TAFAZZIN: variants seen among roughly 807,000 people sequenced by gnomAD.
The protein encoded by TAFAZZIN is protein G4.5.
Under a neutral mutation model 27.3 loss-of-function variants are expected in TAFAZZIN, and 6 were observed. That is an observed-to-expected ratio of 0.22 (90% CI 0.12 to 0.43). The LOEUF (loss-of-function observed/expected upper bound fraction) is 0.43, where lower values mean the gene tolerates loss of function less well. TAFAZZIN is among the 20% of genes least tolerant of loss of function. The probability of loss-of-function intolerance (pLI) is 1.00; values close to 1 mark genes in which losing one functional copy is unlikely to be tolerated. For synonymous variants in TAFAZZIN, 79 were observed against 96.2 expected (o/e 0.82, Z 1.04); for missense variants, 127 against 244.5 (o/e 0.52, Z 3.21).
rs2068585918 is a variant in TAFAZZIN, at chrX:154,420,107, AC to A, written c.646+14del. On this transcript the variant is annotated intron_variant, in intron 8 of 10. Transcript: ENST00000601016. ...CTGTGGCATGTCGGTGAGCCTGGGG[AC>A]GGGGACAGAGAGATGGCATCTGGGG... 1 of 1,209,581 alleles carries A rather than the reference AC, an allele frequency of 8.3e-7. No homozygotes were observed. The highest frequency in any genetic ancestry group is 1.8e-5 in the South Asian group (1 of 56,834).
chrX:154,415,349 AG>A (rs1197775238), intron 5 of TAFAZZIN, among the ~76,000 whole-genome samples: 1 of 109,927 alleles, frequency 9.1e-6, no homozygotes, highest in African/African-American at 3.3e-5. Flanking sequence ...AGCCTCTCAA[AG>A]TGCTGGGATC....
chrX:154,420,027 G>A lies in TAFAZZIN; in HGVS notation c.584-5G>A. 8.3e-7 allele frequency: 1 copy of A among 1,211,664 alleles called. No individual in the cohort carries two copies. Among genetic ancestry groups the A allele is most frequent in the South Asian group, 1.8e-5 (1 of 57,002 alleles). ...TGCTAACATTTCTACCTCCCCCCTG[G>A]GCAGGAATCGGGCGCCTGATTGCTG... On this transcript the variant is annotated splice_polypyrimidine_tract_variant and splice_region_variant and intron_variant, in intron 7 of 10. Coordinates refer to ENST00000601016, the MANE Select transcript of TAFAZZIN (RefSeq NM_000116.5).
Position 154,411,724 on chromosome X carries a change from C to G in TAFAZZIN, c.-120C>G. On this transcript the variant is annotated 5_prime_UTR_variant, in exon 1 of 11. Coordinates refer to ENST00000601016, the MANE Select transcript of TAFAZZIN (RefSeq NM_000116.5). The stretch of plus-strand genomic sequence containing the variant: ...CCAGTCCCCTGTTGCGCCGCGCCCC[C>G]GTCCGTCCGTGCGCGGGCCAGTCAG... 3 of 696,875 alleles carry G rather than the reference C, an allele frequency of 4.3e-6. No individual in the cohort carries two copies. The highest frequency in any genetic ancestry group is 2.3e-5 in the South Asian group (1 of 43,298). 57.4% of individuals were successfully genotyped at this position (696,875 alleles called of 1,213,427 possible).
chrX:154,411,790 C>T lies in TAFAZZIN; in HGVS notation c.-54C>T. 1 of 1,087,114 alleles carries T rather than the reference C, an allele frequency of 9.2e-7. No individual in the cohort carries two copies. Among genetic ancestry groups the T allele is most frequent in the Non-Finnish European group, 1.2e-6 (1 of 811,717 alleles). The allele number at this position is 1,087,114 out of a possible 1,213,427, so 89.6% of individuals were successfully genotyped here. ...GCGGTCGAGGTCGCAGACCTAGAGG[C>T]GCCCCACAGGCCGGCCCGGGGCGCT... On this transcript the variant is annotated 5_prime_UTR_variant, in exon 1 of 11. Transcript: ENST00000601016.
chrX:154,412,308 C>A, intron 2 of TAFAZZIN, 94 bp downstream of exon 2: 1 of 1,095,685 alleles, frequency 9.1e-7, no homozygotes. Flanking sequence ...GCTGCCTTTT[C>A]ATGGAGCCCT....
At chrX:154,416,759 T>C (rs1373186252) in intron 5 of TAFAZZIN, among the ~76,000 whole-genome samples, 1 of 111,024 alleles carries the variant, frequency 9.0e-6, no homozygotes, top group African/African-American at 3.3e-5. Context: ...CCTGTTTTGC[T>C]TGTGCTGCAT....
intron 4 of TAFAZZIN, 161 bp downstream of exon 4, chrX:154,413,728 G>A: frequency 2.0e-6 from 1 of 503,869 alleles, no homozygotes; most frequent in Non-Finnish European, 3.4e-6. Flanking sequence ...GGCTGTGGGA[G>A]GAGGGATGGG....
At chrX:154,420,287 C>T (rs369956751) in intron 9 of TAFAZZIN, 23 bp downstream of exon 9, 108 of 1,208,502 alleles carry the variant, frequency 8.9e-5, no homozygotes, top group Non-Finnish European at 1.2e-4. Context: ...TGCTGACCTT[C>T]GGCTGTCTGC....
chrX:154,418,013 C>T (rs1013809942), intron 5 of TAFAZZIN, among the ~76,000 whole-genome samples: 1 of 112,491 alleles, frequency 8.9e-6, no homozygotes, highest in East Asian at 2.7e-4. Context: ...AGTGATTTGA[C>T]ACAAGTGACA....
At chrX:154,419,209 G>C (rs2068559395) in intron 5 of TAFAZZIN, 1 of 327,119 alleles carries the variant, frequency 3.1e-6, no homozygotes, top group Non-Finnish European at 5.5e-6. Flanking sequence ...TGCCAGGTCA[G>C]AATCTCGGTA....
rs372610945 is a variant in TAFAZZIN at position 154,420,225 on chromosome X, C to T, written c.660C>T (p.Val220=). Residue 220 remains valine, a synonymous_variant, in exon 9 of 11, where the codon GTC becomes GTT. Transcript: ENST00000601016. Reference sequence around the variant, plus strand: ...ACTGTGCTGCAGGAATGAATGACGTCCTTCCTAACAGTCCGCCCTACTTCC... The same window carrying T: ...ACTGTGCTGCAGGAATGAATGACGTTCTTCCTAACAGTCCGCCCTACTTCC... ...LPLWHVGMND[V]LPNSPPYFPR... is the part of the protein sequence containing the mutation. 4.1e-6 allele frequency: 5 copies of T among 1,209,777 alleles called. No individual in the cohort carries two copies. Among genetic ancestry groups the T allele is most frequent in the Non-Finnish European group, 4.5e-6 (4 of 895,050 alleles).
chrX:154,414,496 T>G (rs1402917636), intron 5 of TAFAZZIN, among the ~76,000 whole-genome samples: 29 of 89,328 alleles, frequency 3.2e-4, no homozygotes, highest in East Asian at 1.4e-3. Context: ...ATCGAGACCA[T>G]CCTGGCTAAC....
chrX:154,412,091 A>G lies in TAFAZZIN; in HGVS notation c.115A>G (p.Met39Val). 1 of 1,210,435 alleles carries G rather than the reference A, an allele frequency of 8.3e-7. No individual in the cohort carries two copies. The highest frequency in any genetic ancestry group is 1.1e-6 in the Non-Finnish European group (1 of 894,973). ...GACTTCTCCTTCCCCGCCAGAGTAC[A>G]TGAACCACCTGACCGTGCACAACAG... Reference protein sequence around the residue: ...GTYSCFWTKYMNHLTVHNREV... With the variant: ...GTYSCFWTKYVNHLTVHNREV... The change falls in exon 2 of 11, where the codon ATG becomes GTG. Residue 39 changes from methionine (M) to valine (V), a missense_variant. Coordinates refer to ENST00000601016, the MANE Select transcript of TAFAZZIN (RefSeq NM_000116.5).
Position 154,412,077 on chromosome X carries a change from C to T in TAFAZZIN, c.110-9C>T, listed in dbSNP as rs1557191037. 2 of 1,210,444 alleles carry T rather than the reference C, an allele frequency of 1.7e-6. No individual in the cohort carries two copies. Among genetic ancestry groups the T allele is most frequent in the East Asian group, 5.9e-5 (2 of 33,793 alleles). Reference sequence around the variant, plus strand: ...AGCCCGGAGCGCCTGACTTCTCCTTCCCCGCCAGAGTACATGAACCACCTG... The same window carrying T: ...AGCCCGGAGCGCCTGACTTCTCCTTTCCCGCCAGAGTACATGAACCACCTG... On this transcript the variant is annotated splice_polypyrimidine_tract_variant and intron_variant, in intron 1 of 10. Coordinates refer to ENST00000601016, the MANE Select transcript of TAFAZZIN (RefSeq NM_000116.5).
intron 10 of TAFAZZIN, 43 bp downstream of exon 10, chrX:154,420,778 C>A: frequency 2.5e-6 from 3 of 1,197,265 alleles, no homozygotes; most frequent in Non-Finnish European, 3.4e-6. Flanking sequence ...CCCGGACCCC[C>A]TGCTGCTGGC....
chrX:154,413,440 G>A (rs782144813), intron 3 of TAFAZZIN, 42 bp from the exon 4 acceptor site: 10 of 1,207,079 alleles, frequency 8.3e-6, no homozygotes, highest in Admixed American at 4.4e-5. Context: ...GTGGTGGAGC[G>A]GGGTGCAGGG....
chrX:154,413,436 G>A lies in TAFAZZIN; in HGVS notation c.285-46G>A, dbSNP rs782171308. 6.6e-6 allele frequency: 8 copies of A among 1,208,326 alleles called. No individual in the cohort carries two copies. In the South Asian group the frequency reaches 1.2e-4, roughly 19 times the overall value. ...TGCTGATGCTGGGGGCAGGGTGGTG[G>A]AGCGGGGTGCAGGGGGCAGGACTAA... On this transcript the variant is annotated intron_variant, in intron 3 of 10. Transcript: ENST00000601016.
chrX:154,413,716 G>T (rs1203420638), intron 4 of TAFAZZIN, 149 bp downstream of exon 4: 1 of 525,394 alleles, frequency 1.9e-6, no homozygotes, highest in Non-Finnish European at 3.2e-6. Context: ...AGAGGGGACA[G>T]AGGCTGTGGG....
Position 154,411,617 on chromosome X carries a change from C to T in TAFAZZIN, c.-227C>T. 1 of 461,259 alleles carries T rather than the reference C, an allele frequency of 2.2e-6. No individual in the cohort carries two copies. Among genetic ancestry groups the T allele is most frequent in the East Asian group, 4.5e-5 (1 of 22,344 alleles). The allele number at this position is 461,259 out of a possible 1,213,427, so 38.0% of individuals were successfully genotyped here. On this transcript the variant is annotated 5_prime_UTR_variant, in exon 1 of 11. Coordinates refer to ENST00000601016, the MANE Select transcript of TAFAZZIN (RefSeq NM_000116.5). The stretch of plus-strand genomic sequence containing the variant: ...TCCCGTTCCGCAGCGCGCCCACGGC[C>T]TGTGACCCCGGCGACCGCTCCCCAG...
Sources: allele counts gnomAD v4.1 joint callset (sites outside exome capture counted in the v4.1 genomes callset), GRCh38; gene constraint gnomAD v4.1.1; transcripts MANE v1.5; gene names NCBI Gene and HGNC (gene_info 2026-07-23, HGNC 2026-07-21).